The following SPDYE2 variants were observed in gnomAD, a reference collection of about 807,000 sequenced individuals.
The protein encoded by SPDYE2 is speedy protein E2.
For missense variants in SPDYE2, 1 was observed against 121.0 expected (o/e 0.01, Z 4.65); for synonymous variants, 2 against 45.1 (o/e 0.04, Z 3.83).
At chr7:102,555,232 CAAAAAAAAA>C (rs1219322377) in intron 3 of SPDYE2, among the ~76,000 whole-genome samples, 1 of 52,216 alleles carries the variant, frequency 1.9e-5, no homozygotes. Context: ...GACGCTGTCT[CAAAAAAAAA>C]AAAAAAAAAA....
chr7:102,557,450 C>A (rs1245272016), intron 5 of SPDYE2, among the ~76,000 whole-genome samples: 16 of 131,072 alleles, frequency 1.2e-4, no homozygotes, highest in Non-Finnish European at 2.2e-4. Context: ...GCAGCCGATG[C>A]GTCCTGGGTT....
At chr7:102,565,115 C>T (rs1801013952), downstream of SPDYE2, 1 of 102,816 alleles carries the variant, frequency 9.7e-6, no homozygotes, top group African/African-American at 2.8e-5. Flanking sequence ...CCTCAGACCA[C>T]ATGTACTTCT....
At chr7:102,555,633 CAAAA>C (rs1203194591) in intron 3 of SPDYE2, among the ~76,000 whole-genome samples, 3 of 39,056 alleles carry the variant, frequency 7.7e-5, no homozygotes, top group Non-Finnish European at 1.5e-4. Context: ...ACAACAACAA[CAAAA>C]AAAAAAAAAA....
At chr7:102,555,063 C>T (rs62482992) in intron 3 of SPDYE2, among the ~76,000 whole-genome samples, 12,983 of 104,854 alleles carry the variant, frequency 0.12, 52 homozygotes, top group Non-Finnish European at 0.2. Context: ...ACCAATATAG[C>T]GAAACCTCAT....
intron 6 of SPDYE2, among the ~76,000 whole-genome samples, chr7:102,559,886 C>G (rs1237934676): frequency 6.4e-5 from 2 of 31,298 alleles, no homozygotes; most frequent in African/African-American, 2.3e-4. Context: ...TCAAGCGATC[C>G]TCCCACCTCA....
exon 9 of SPDYE2, chr7:102,562,750 T>TA (rs1324031131): frequency 5.5e-3 from 615 of 112,392 alleles, no homozygotes; most frequent in African/African-American, 0.02. Context: ...GCACTCTTTT[T>TA]ATCTATGATA....
chr7:102,557,408 G>T (rs1800835644), intron 5 of SPDYE2, among the ~76,000 whole-genome samples, 186 bp downstream of exon 5: 1 of 135,450 alleles, frequency 7.4e-6, no homozygotes, highest in Non-Finnish European at 1.6e-5. Flanking sequence ...TGTTGCCCAG[G>T]CTGGAGGGCA....
At chr7:102,555,128 G>T (rs1177969405) in intron 3 of SPDYE2, among the ~76,000 whole-genome samples, 1 of 143,708 alleles carries the variant, frequency 7.0e-6, no homozygotes, top group Non-Finnish European at 1.5e-5. Flanking sequence ...AGCTACTCAG[G>T]AGGCTGAGAC....
Position 102,554,290 on chromosome 7 carries a change from G to C in SPDYE2, c.161-69G>C, listed in dbSNP as rs1284656941. ...CTGGGGAGGATGGAGAGTGGTTTGG[G>C]GTTTGGGGTCGGGGTCTAAGGTGAT... On this transcript the variant is annotated intron_variant, in intron 2 of 8. Transcript: ENST00000507918. 2.9e-6 allele frequency: 4 copies of C among 1,390,022 alleles called. 1 individual carries two copies. In the East Asian group the frequency reaches 1.1e-4, roughly 37 times the overall value. The allele number at this position is 1,390,022 out of a possible 1,614,324, so 86.1% of individuals were successfully genotyped here.
At chr7:102,555,633 CAAAAA>C (rs1203194591) in intron 3 of SPDYE2, among the ~76,000 whole-genome samples, 15 of 39,056 alleles carry the variant, frequency 3.8e-4, no homozygotes, top group Middle Eastern at 0.01. Flanking sequence ...ACAACAACAA[CAAAAA>C]AAAAAAAAAA....
chr7:102,557,341 T>TGTG lies in SPDYE2; in HGVS notation c.669+119_669+120insGTG, dbSNP rs1171723315. ...CCACCAGATGCTCCTACAGTCTTTT[T>TGTG]TTTTTTTTTTTGTGTGTGTGTGTGT... On this transcript the variant is annotated intron_variant, in intron 5 of 8. Coordinates refer to ENST00000507918, the Ensembl canonical transcript of SPDYE2. 24 of 387,574 alleles carry TGTG rather than the reference T, an allele frequency of 6.2e-5. 1 individual carries two copies. The highest frequency in any genetic ancestry group is 3.8e-4 in the East Asian group (6 of 15,660). The allele number at this position is 387,574 out of a possible 1,614,324, so 24.0% of individuals were successfully genotyped here. A position where few individuals can be genotyped will look rare whatever the true frequency, so the allele number is the denominator to read the frequency against.
intron 2 of SPDYE2, 121 bp from the exon 3 acceptor site, chr7:102,554,238 G>C (rs1476906063): frequency 6.4e-7 from 1 of 1,555,224 alleles, no homozygotes; most frequent in African/African-American, 1.4e-5. Context: ...CAGAAAGATG[G>C]CTTAGAGAAG....
chr7:102,564,558 G>T (rs1800990660), downstream of SPDYE2: 1 of 147,708 alleles, frequency 6.8e-6, no homozygotes, highest in Non-Finnish European at 1.5e-5. Context: ...CCAGACTGGG[G>T]TGCAGTGGTG....
chr7:102,564,640 A>C (rs1381972242), downstream of SPDYE2: 2 of 152,046 alleles, frequency 1.3e-5, no homozygotes, highest in Non-Finnish European at 2.9e-5. Flanking sequence ...AATTGCTGGG[A>C]TTATAAGCAT....
At chr7:102,555,635 A>ACAACAAC (rs559583264) in intron 3 of SPDYE2, among the ~76,000 whole-genome samples, 3 of 81,608 alleles carry the variant, frequency 3.7e-5, no homozygotes, top group Non-Finnish European at 5.3e-5. Context: ...AACAACAACA[A>ACAACAAC]AAAAAAAAAA....
At chr7:102,564,147 G>A (rs1462589805), downstream of SPDYE2, 2 of 122,272 alleles carry the variant, frequency 1.6e-5, no homozygotes, top group African/African-American at 5.6e-5. Context: ...ACTGCGCCCA[G>A]ATGCCAAGCT....
At chr7:102,555,537 C>T (rs1358517898) in intron 3 of SPDYE2, among the ~76,000 whole-genome samples, 162 of 111,568 alleles carry the variant, frequency 1.5e-3, no homozygotes, top group South Asian at 3.3e-3. Context: ...CACTGGAACC[C>T]GGGAGGCAGA....
At chr7:102,555,224 C>G (rs1203632175) in intron 3 of SPDYE2, among the ~76,000 whole-genome samples, 1 of 87,364 alleles carries the variant, frequency 1.1e-5, no homozygotes, top group Admixed American at 1.9e-4. Context: ...GAGAGTGAGA[C>G]GCTGTCTCAA....
downstream of SPDYE2, chr7:102,565,172 C>T (rs1250353167): frequency 5.3e-4 from 51 of 95,772 alleles, no homozygotes; most frequent in African/African-American, 1.3e-3. Context: ...CCCTCAAGTT[C>T]GATAACTCAC....
Sources: gnomAD v4.1 joint callset for allele counts (sites outside exome capture counted in the v4.1 genomes callset) on GRCh38, gnomAD v4.1.1 for gene constraint, MANE v1.5 for transcripts, NCBI Gene and HGNC (gene_info 2026-07-23, HGNC 2026-07-21) for gene names.